The following OSBPL5 variants were observed in gnomAD, a reference collection of about 807,000 sequenced individuals.
OSBPL5 encodes the protein oxysterol binding protein like 5, also known as oxysterol-binding protein-related protein 5.
Under a neutral mutation model 111.2 loss-of-function variants are expected in OSBPL5, and 71 were observed. That is an observed-to-expected ratio of 0.64 (90% CI 0.53 to 0.78). The LOEUF (loss-of-function observed/expected upper bound fraction) is 0.78. Among genes scored for constraint, OSBPL5 ranks in the 30% least tolerant of loss-of-function variants. The probability of loss-of-function intolerance (pLI) is 0.00; values close to 1 mark genes in which losing one functional copy is unlikely to be tolerated. For synonymous variants in OSBPL5, 549 were observed against 513.9 expected (o/e 1.07, Z -0.93); for missense variants, 1,210 against 1,189.3 (o/e 1.02, Z -0.26).
intron 1 of OSBPL5, among the ~76,000 whole-genome samples, chr11:3,148,482 G>C (rs940327044): frequency 2.6e-5 from 4 of 152,254 alleles, no homozygotes; most frequent in African/African-American, 9.6e-5. Context: ...AGAGGTCACA[G>C]AAGAGAGAGG....
Position 3,092,999 on chromosome 11 carries a change from G to A in OSBPL5, c.2000C>T (p.Thr667Ile), listed in dbSNP as rs1226195786. The stretch of plus-strand genomic sequence containing the variant: ...CTCCTCCAGTGCAAACTTCTCCTGT[G>A]TGGCCCTGTGCTGGTCGCCCTTGCT... ...AISKGDQHRA[T>I]QEKFALEEAQ... The change falls in exon 18 of 22, where the codon ACA becomes ATA. Residue 667 changes from threonine (T) to isoleucine (I), a missense_variant. Transcript: ENST00000263650. The surrounding 1 kb of genome is among the most constrained non-coding windows in gnomAD (Gnocchi z 5.4). 2 of 1,605,796 alleles carry A rather than the reference G, an allele frequency of 1.2e-6. No homozygotes were observed. Among genetic ancestry groups the A allele is most frequent in the African/African-American group, 1.3e-5 (1 of 74,856 alleles).
Position 3,109,496 on chromosome 11 carries a change from G to A in OSBPL5, c.692-1551C>T, listed in dbSNP as rs781613585. Among the ~76,000 whole-genome samples the A allele has an allele frequency of 1.3e-5, 2 of 152,210 alleles. No homozygotes were observed. Among genetic ancestry groups the A allele is most frequent in the Non-Finnish European group, 2.9e-5 (2 of 68,044 alleles). ...GCCTCTGCCTTTTCGAGCTCCTGGA[G>A]ACAGTGAGTTTTTCTCCCTCACTTT... On this transcript the variant is annotated intron_variant, in intron 7 of 21. Transcript: ENST00000263650. This position sits in a 1 kb window ranked among gnomAD's most constrained non-coding sequence, Gnocchi z 7.4.
At chr11:3,164,754 C>CT (rs985993305) in intron 1 of OSBPL5, among the ~76,000 whole-genome samples, 20 of 152,348 alleles carry the variant, frequency 1.3e-4, no homozygotes, top group Non-Finnish European at 1.8e-4. Context: ...CCCAGACCCC[C>CT]TGCAGACCCA....
intron 1 of OSBPL5, among the ~76,000 whole-genome samples, chr11:3,156,253 T>C (rs772178233): frequency 6.6e-6 from 1 of 152,210 alleles, no homozygotes; most frequent in Non-Finnish European, 1.5e-5. Context: ...GGAATGGAAC[T>C]ACCAGAATGT....
At position 3,088,049 on chromosome 11, in the gene OSBPL5, G is replaced by C. The variant is rs11553374; in HGVS notation, c.*156C>G. ...AGAGGGGCCCAGCACACCTGGGCCC[G>C]CAGCGCCTTGTGGCCCCGGGTCCCT... is the stretch of plus-strand genomic sequence containing the variant. On this transcript the variant is annotated 3_prime_UTR_variant, in exon 22 of 22. Transcript: ENST00000263650. 3.2e-6 allele frequency: 2 copies of C among 627,628 alleles called. No individual in the cohort carries two copies. Among genetic ancestry groups the C allele is most frequent in the East Asian group, 3.6e-5 (1 of 27,740 alleles). 38.9% of individuals were successfully genotyped at this position (627,628 alleles called of 1,614,324 possible).
At chr11:3,138,428 C>A (rs574479804) in intron 1 of OSBPL5, among the ~76,000 whole-genome samples, 1 of 152,166 alleles carries the variant, frequency 6.6e-6, no homozygotes, top group Admixed American at 6.5e-5. Context: ...AGGGGTCAGC[C>A]GGGGAGGGAG....
chr11:3,092,280 G>A lies in OSBPL5; in HGVS notation c.2259+152C>T, dbSNP rs1857085622. 21 of 1,154,222 alleles carry A rather than the reference G, an allele frequency of 1.8e-5. No individual in the cohort carries two copies. The South Asian group carries it at 2.4e-4, about 13-fold the overall frequency. The allele number at this position is 1,154,222 out of a possible 1,614,324, so 71.5% of individuals were successfully genotyped here. ...TCCCGGTTTCCTGAGTCCCATGCTC[G>A]GCAGAGAAGGAAAGGGGACGAGGGG... is the stretch of plus-strand genomic sequence containing the variant. On this transcript the variant is annotated intron_variant, in intron 19 of 21. Coordinates refer to ENST00000263650, the MANE Select transcript of OSBPL5 (RefSeq NM_020896.4). This position sits in a 1 kb window ranked among gnomAD's most constrained non-coding sequence, Gnocchi z 5.4.
chr11:3,147,853 G>T (rs1200721167), intron 1 of OSBPL5, among the ~76,000 whole-genome samples: 1 of 152,130 alleles, frequency 6.6e-6, no homozygotes, highest in Non-Finnish European at 1.5e-5. Flanking sequence ...AGTGACCCGG[G>T]CCCTTCTGTC....
chr11:3,158,170 G>A (rs144685369), intron 1 of OSBPL5, among the ~76,000 whole-genome samples: 7 of 152,332 alleles, frequency 4.6e-5, no homozygotes, highest in South Asian at 2.1e-4. Context: ...GTGGCCAAGC[G>A]GCCTGCCCCG....
intron 1 of OSBPL5, among the ~76,000 whole-genome samples, chr11:3,157,135 G>A (rs551802699): frequency 2.0e-5 from 3 of 152,228 alleles, no homozygotes; most frequent in Admixed American, 2.0e-4. Flanking sequence ...TCAGAGAGCC[G>A]CGTGCCTCCG....
At chr11:3,115,335 T>G (rs777808717) in intron 7 of OSBPL5, among the ~76,000 whole-genome samples, 1 of 152,230 alleles carries the variant, frequency 6.6e-6, no homozygotes, top group Non-Finnish European at 1.5e-5. Context: ...CCTTATATCT[T>G]CTTGTATGTG....
intron 1 of OSBPL5, among the ~76,000 whole-genome samples, chr11:3,131,093 A>G (rs1159957669): frequency 6.6e-6 from 1 of 152,032 alleles, no homozygotes; most frequent in African/African-American, 2.4e-5. Flanking sequence ...GGGGCTCAAA[A>G]CCTAGCCTCA....
At chr11:3,131,768 C>CAT (rs1845800243) in intron 1 of OSBPL5, among the ~76,000 whole-genome samples, 4 of 109,830 alleles carry the variant, frequency 3.6e-5, no homozygotes, top group Admixed American at 3.4e-4. Context: ...CCACCATCTT[C>CAT]CCATCCATCC....
chr11:3,164,141 C>T (rs1387792704), intron 1 of OSBPL5: 1 of 152,264 alleles, frequency 6.6e-6, no homozygotes, highest in East Asian at 1.9e-4. Flanking sequence ...GAGGCTGTAT[C>T]AGGTGGGGTG....
rs151250529 is a variant in OSBPL5 at position 3,092,473 on chromosome 11, G to A, written c.2218C>T (p.Arg740Cys). The A allele has an allele frequency of 1.2e-4, 192 of 1,575,194 alleles. No individual in the cohort carries two copies. In the African/African-American group the frequency reaches 2.2e-3, roughly 18 times the overall value. The change falls in exon 19 of 22, where the codon CGC (arginine) becomes TGC (cysteine). Residue 740 changes from arginine to cysteine, a missense_variant. Transcript: ENST00000263650. This position sits in a 1 kb window ranked among gnomAD's most constrained non-coding sequence, Gnocchi z 5.4. ...LRTLQQEAVA[R>C]QTTFLGSPGP... The stretch of plus-strand genomic sequence containing the variant: ...GGGCTGCCCAGGAAGGTGGTCTGGC[G>A]GGCCACGGCCTCCTGCTGCAAGGTC...
chr11:3,112,049 G>A (rs1857987157), intron 7 of OSBPL5, among the ~76,000 whole-genome samples: 1 of 60,742 alleles, frequency 1.6e-5, no homozygotes, highest in East Asian at 5.8e-4. Context: ...GTGCGCGCAT[G>A]TGTGTGCATG....
intron 2 of OSBPL5, among the ~76,000 whole-genome samples, chr11:3,127,611 GT>G (rs199967787): frequency 0.015 from 2,232 of 152,356 alleles, 25 homozygotes; most frequent in Middle Eastern, 0.041. Flanking sequence ...CTGACCCGGA[GT>G]GCTGGGGGGA....
intron 1 of OSBPL5, 110 bp from the exon 2 acceptor site, chr11:3,129,279 G>A (rs1858744896): frequency 1.9e-6 from 2 of 1,054,822 alleles, no homozygotes; most frequent in African/African-American, 3.3e-5. Flanking sequence ...GGGGACTTCT[G>A]AGGCAGGGTG....
intron 1 of OSBPL5, among the ~76,000 whole-genome samples, chr11:3,159,324 C>G (rs1041831805): frequency 1.3e-5 from 2 of 152,268 alleles, no homozygotes; most frequent in East Asian, 3.9e-4. Flanking sequence ...CCCAGCACCC[C>G]GTCCACAGCA....
Sources: allele counts gnomAD v4.1 joint callset (sites outside exome capture counted in the v4.1 genomes callset), GRCh38; gene constraint gnomAD v4.1.1; non-coding constraint Gnocchi (gnomAD v3.1); transcripts MANE v1.5; gene names NCBI Gene and HGNC (gene_info 2026-07-23, HGNC 2026-07-21).